ARHGEF25: variants seen among roughly 807,000 people sequenced by gnomAD.
ARHGEF25 encodes RAC/CDC42 exchange factor.
A neutral mutation model predicts 74.0 loss-of-function variants in ARHGEF25; 42 were observed. The ratio of observed to expected loss-of-function variants is 0.57; its 90% CI spans 0.44 to 0.73. The LOEUF (loss-of-function observed/expected upper bound fraction) is 0.73, where lower values mean the gene tolerates loss of function less well. Ranked by LOEUF, ARHGEF25 falls within the 30% of genes least tolerant of loss-of-function variation. The pLI, the probability that ARHGEF25 is intolerant of heterozygous loss-of-function variation, is 0.00. For missense variants in ARHGEF25, 645 were observed against 725.5 expected (o/e 0.89, Z 1.27); for synonymous variants, 293 against 278.6 (o/e 1.05, Z -0.51).
intron 11 of ARHGEF25, 87 bp downstream of exon 11, chr12:57,615,401 C>A: frequency 6.3e-7 from 1 of 1,584,732 alleles, no homozygotes; most frequent in Non-Finnish European, 8.6e-7. Context: ...GAGTTGTCTT[C>A]TCCTGGGGCT....
In ARHGEF25 at chr12:57,613,081, T is replaced by A. The variant is rs199703624; in HGVS notation, c.249T>A (p.Asp83Glu). 495 of 1,614,046 alleles carry A rather than the reference T, an allele frequency of 3.1e-4. No individual in the cohort carries two copies. The highest frequency in any genetic ancestry group is 5.7e-4 in the Admixed American group (34 of 60,024). The change falls in exon 2 of 15, where the codon GAT (aspartate) becomes GAA (glutamate). Residue 83 changes from aspartate (D) to glutamate (E), a missense_variant. By Grantham distance (45) the Asp-to-Glu change is conservative. Transcript: ENST00000286494. ...TCAGTGGCCTGAGGAGATGGTTGGA[T>A]CATTCCAAACATTGTCTCAGTGTGG... Reference protein sequence around the residue: ...GPVSGLRRWLDHSKHCLSVET... With the variant: ...GPVSGLRRWLEHSKHCLSVET...
At chr12:57,610,439 T>G, upstream of ARHGEF25, 1 of 1,075,328 alleles carries the variant, frequency 9.3e-7, no homozygotes, top group South Asian at 1.7e-5. Flanking sequence ...TGAATTCTAT[T>G]ACGAGGGCCA....
At chr12:57,610,159 G>A (rs1883973734), upstream of ARHGEF25, 2 of 954,040 alleles carry the variant, frequency 2.1e-6, no homozygotes, top group Non-Finnish European at 3.2e-6. Context: ...AGGCCTCAAA[G>A]CCCCCCAGCT....
chr12:57,614,647 G>A lies in ARHGEF25; in HGVS notation c.816+42G>A. Reference sequence around the variant, plus strand: ...TCTTGGTGGGAAGGAGGACAGAACTGGGGCTTTCCAGGCTGCATAACCACC... The same window carrying A: ...TCTTGGTGGGAAGGAGGACAGAACTAGGGCTTTCCAGGCTGCATAACCACC... On this transcript the variant is annotated intron_variant, in intron 8 of 14. Coordinates refer to ENST00000286494, the MANE Select transcript of ARHGEF25 (RefSeq NM_182947.4). This position sits in a 1 kb window ranked among gnomAD's most constrained non-coding sequence, Gnocchi z 4.6. 6.2e-7 allele frequency: 1 copy of A among 1,613,846 alleles called. No individual in the cohort carries two copies. Among genetic ancestry groups the A allele is most frequent in the South Asian group, 1.1e-5 (1 of 91,062 alleles).
intron 13 of ARHGEF25, 60 bp downstream of exon 13, chr12:57,616,077 C>A: frequency 1.3e-6 from 2 of 1,565,674 alleles, no homozygotes; most frequent in South Asian, 2.4e-5. Flanking sequence ...TCCTGAATCC[C>A]TCACTGCCCA....
At chr12:57,610,211 T>C, upstream of ARHGEF25, 2 of 1,575,496 alleles carry the variant, frequency 1.3e-6, no homozygotes, top group Non-Finnish European at 1.7e-6. Flanking sequence ...AGGGTGGGGG[T>C]TCAGTATGAA....
In ARHGEF25 at chr12:57,613,421, G is replaced by A; in HGVS notation, c.409-19G>A. 1 of 1,614,054 alleles carries A rather than the reference G, an allele frequency of 6.2e-7. No individual in the cohort carries two copies. The highest frequency in any genetic ancestry group is 8.5e-7 in the Non-Finnish European group (1 of 1,179,966). ...AAGGGGCATTCGTTTGCTCACCCTAGGATGTTCTTTCCTTCCAGCCACCTG... is the reference window on the plus strand; with the variant it reads ...AAGGGGCATTCGTTTGCTCACCCTAAGATGTTCTTTCCTTCCAGCCACCTG... On this transcript the variant is annotated intron_variant, in intron 3 of 14. Transcript: ENST00000286494.
upstream of ARHGEF25, chr12:57,610,281 T>C: frequency 6.4e-7 from 1 of 1,560,722 alleles, no homozygotes; most frequent in South Asian, 1.1e-5. Flanking sequence ...ATGGGGGGCA[T>C]GCTGCGCGCA....
upstream of ARHGEF25, chr12:57,610,572 C>G (rs953699011): frequency 1.9e-6 from 3 of 1,609,108 alleles, no homozygotes; most frequent in Non-Finnish European, 2.5e-6. Flanking sequence ...CCCCGCAGCC[C>G]CCAAGGAGAA....
At chr12:57,613,854 C>A in intron 5 of ARHGEF25, 94 bp downstream of exon 5, 1 of 1,519,574 alleles carries the variant, frequency 6.6e-7, no homozygotes, top group Non-Finnish European at 9.0e-7. Flanking sequence ...CTCTGTCCCA[C>A]CTCTCAAGCC....
rs1470799287 is a variant in ARHGEF25 at position 57,614,248 on chromosome 12, AG to A, written c.657-82del. 4 of 1,581,996 alleles carry A rather than the reference AG, an allele frequency of 2.5e-6. No homozygotes were observed. The highest frequency in any genetic ancestry group is 3.5e-6 in the Non-Finnish European group (4 of 1,151,356). On this transcript the variant is annotated intron_variant, in intron 6 of 14. Coordinates refer to ENST00000286494, the MANE Select transcript of ARHGEF25 (RefSeq NM_182947.4). This position sits in a 1 kb window ranked among gnomAD's most constrained non-coding sequence, Gnocchi z 4.6. ...GTTTTGTAGGGCACACTACCAGGGC[AG>A]ACAGCTCGAAACTGCTGGGAGTGGG... is the stretch of plus-strand genomic sequence containing the variant.
upstream of ARHGEF25, chr12:57,610,137 C>T (rs1028191489): frequency 1.3e-6 from 1 of 745,644 alleles, no homozygotes; most frequent in Non-Finnish European, 2.2e-6. Flanking sequence ...CAGCAACTCC[C>T]CGGACGCGCG....
In ARHGEF25 at chr12:57,614,285, G is replaced by T; in HGVS notation, c.657-46G>T. Reference sequence around the variant, plus strand: ...ACTGCTGGGAGTGGGCGAGGTGGGGGTTGTGAAATGTATTTGACCTGCTGC... The same window carrying T: ...ACTGCTGGGAGTGGGCGAGGTGGGGTTTGTGAAATGTATTTGACCTGCTGC... On this transcript the variant is annotated intron_variant, in intron 6 of 14. Transcript: ENST00000286494. This position sits in a 1 kb window ranked among gnomAD's most constrained non-coding sequence, Gnocchi z 4.6. 1 of 1,608,294 alleles carries T rather than the reference G, an allele frequency of 6.2e-7. No homozygotes were observed. Among genetic ancestry groups the T allele is most frequent in the East Asian group, 2.2e-5 (1 of 44,858 alleles).
rs370713793 is a variant in ARHGEF25 at position 57,615,959 on chromosome 12, T to A, written c.1362T>A (p.Ser454Arg). 2.5e-6 allele frequency: 4 copies of A among 1,614,118 alleles called. No homozygotes were observed. Among genetic ancestry groups the A allele is most frequent in the Non-Finnish European group, 3.4e-6 (4 of 1,179,996 alleles). Residue 454 changes from serine (S) to arginine (R), a missense_variant, in exon 13 of 15, where the codon AGT becomes AGA. Ser to Arg is a moderately radical substitution (Grantham distance 110). Transcript: ENST00000286494. ...TGCAGGCTGCAGACCCTGCTATCAG[T>A]CAGGCCTGGATCAAGCATGTGGCTC... The part of the protein sequence containing the change: ...YVLQAADPAI[S>R]QAWIKHVAQI...
At chr12:57,615,107 G>C in intron 10 of ARHGEF25, 90 bp downstream of exon 10, 1 of 1,582,368 alleles carries the variant, frequency 6.3e-7, no homozygotes, top group East Asian at 2.2e-5. Context: ...GTGGTTTACA[G>C]CTGTCTGGTT....
chr12:57,614,158 G>C lies in ARHGEF25; in HGVS notation c.656+39G>C. 1 of 1,608,214 alleles carries C rather than the reference G, an allele frequency of 6.2e-7. No homozygotes were observed. The highest frequency in any genetic ancestry group is 8.5e-7 in the Non-Finnish European group (1 of 1,174,860). ...CTCTGACAGCTAGGTGCTGGAGAGGGGCCCTCATCTGGTTGTCCTGTATCC... is the reference window on the plus strand; with the variant it reads ...CTCTGACAGCTAGGTGCTGGAGAGGCGCCCTCATCTGGTTGTCCTGTATCC... On this transcript the variant is annotated intron_variant, in intron 6 of 14. Transcript: ENST00000286494. This position sits in a 1 kb window ranked among gnomAD's most constrained non-coding sequence, Gnocchi z 4.6.
chr12:57,610,453 C>A, upstream of ARHGEF25: 1 of 1,101,996 alleles, frequency 9.1e-7, no homozygotes, highest in Non-Finnish European at 1.3e-6. Context: ...AGGGCCATAG[C>A]CCCGTTCTGG....
Position 57,614,403 on chromosome 12 carries a change from G to A in ARHGEF25, c.726+3G>A, listed in dbSNP as rs763913188. 1.7e-5 allele frequency: 28 copies of A among 1,613,924 alleles called. No homozygotes were observed. Among genetic ancestry groups the A allele is most frequent in the Non-Finnish European group, 2.2e-5 (26 of 1,180,004 alleles). On this transcript the variant is annotated splice_donor_region_variant and intron_variant, in intron 7 of 14. Coordinates refer to ENST00000286494, the MANE Select transcript of ARHGEF25 (RefSeq NM_182947.4). The surrounding 1 kb of genome is among the most constrained non-coding windows in gnomAD (Gnocchi z 4.6). ...TGGCTCAGCTATTCATCAAACACGT[G>A]AGGCTTGAGGGGGCAGGGCCTGGGG...
chr12:57,615,120 T>C, intron 10 of ARHGEF25, 103 bp downstream of exon 10: 2 of 1,570,012 alleles, frequency 1.3e-6, no homozygotes, highest in Non-Finnish European at 1.7e-6. Flanking sequence ...GTCTGGTTTT[T>C]AGGGGGAGGC....
Sources: allele counts gnomAD v4.1 joint callset, GRCh38; gene constraint gnomAD v4.1.1; non-coding constraint Gnocchi (gnomAD v3.1); transcripts MANE v1.5; gene names NCBI Gene and HGNC (gene_info 2026-07-23, HGNC 2026-07-21).